Variants in SEM1 observed in about 807,000 individuals in gnomAD.
SEM1 encodes 26S proteasome complex subunit SEM1.
In SEM1, 3 loss-of-function variants were observed where a neutral mutation model predicts 12.7. That is an observed-to-expected ratio of 0.24 (90% CI 0.11 to 0.61). The LOEUF is 0.61. Among genes scored for constraint, SEM1 ranks in the 20% least tolerant of loss-of-function variants. SEM1 has a pLI of 0.88. For missense variants in SEM1, 59 were observed against 81.3 expected, an observed-to-expected ratio of 0.73 and a Z score of 1.06; for synonymous variants, 30 against 27.8, an observed-to-expected ratio of 1.08 and a Z score of -0.25.
chr7:96,674,124 CT>C (rs763128403), intron 2 of SEM1, among the ~76,000 whole-genome samples: 47 of 152,080 alleles, frequency 3.1e-4, no homozygotes, highest in Non-Finnish European at 5.9e-4. Context: ...GAGTCCTGTT[CT>C]TTCTTTAAAA....
chr7:96,561,924 AT>A (rs1009915095), intron 2 of SEM1, among the ~76,000 whole-genome samples: 8 of 152,008 alleles, frequency 5.3e-5, no homozygotes, highest in Non-Finnish European at 7.4e-5. Context: ...TATTTGTGGT[AT>A]TATTATTATT....
Position 96,651,158 on chromosome 7 carries a change from A to G in SEM1, c.171-28515T>C, listed in dbSNP as rs147968121. On this transcript the variant is annotated intron_variant, in intron 2 of 2. Coordinates refer to the SEM1 transcript ENST00000417009. The stretch of plus-strand genomic sequence containing the variant: ...CATAAATTCCCTAAACTTTGTAGGA[A>G]ATGTCACCTCTTGTGGCCAGTGGTA... Among the ~76,000 whole-genome samples the G allele has an allele frequency of 2.4e-4, 37 of 152,298 alleles. No homozygotes were observed. In the East Asian group the frequency reaches 6.9e-3, roughly 29 times the overall value.
At position 96,688,910 on chromosome 7, in the gene SEM1, A is replaced by C. The variant is rs1195386813; in HGVS notation, c.*14T>G. The C allele has an allele frequency of 1.3e-6, 2 of 1,573,156 alleles. No individual in the cohort carries two copies. ...CAGGTCAAGTTTAGGTTACTTCAAC[A>C]CTTCTTCTGGATGCTATGAAGTCTC... On this transcript the variant is annotated 3_prime_UTR_variant, in exon 3 of 3. Coordinates refer to ENST00000248566, the MANE Select transcript of SEM1 (RefSeq NM_006304.2).
intron 2 of SEM1, among the ~76,000 whole-genome samples, chr7:96,584,479 G>C (rs1806538392): frequency 6.6e-6 from 1 of 151,950 alleles, no homozygotes; most frequent in Non-Finnish European, 1.5e-5. Flanking sequence ...TATCTTTGTG[G>C]CATTCTCTCT....
chr7:96,639,609 A>T (rs1455712406), intron 2 of SEM1, among the ~76,000 whole-genome samples: 2 of 151,952 alleles, frequency 1.3e-5, no homozygotes, highest in African/African-American at 4.8e-5. Context: ...GGTAAAATGT[A>T]AAAGTATAAG....
At chr7:96,690,081 T>C (rs1469893816) in intron 2 of SEM1, among the ~76,000 whole-genome samples, 2 of 151,638 alleles carry the variant, frequency 1.3e-5, no homozygotes, top group South Asian at 2.1e-4. Context: ...AAAACTCAAA[T>C]GTTTCATACA....
At chr7:96,653,733 G>GAGATGAGAAAC (rs1809078679) in intron 2 of SEM1, 1 of 152,180 alleles carries the variant, frequency 6.6e-6, no homozygotes, top group Admixed American at 6.5e-5. Context: ...TGAGGAAACT[G>GAGATGAGAAAC]AGATGAGTTA....
chr7:96,541,014 G>T (rs1452973831), intron 2 of SEM1, among the ~76,000 whole-genome samples: 3 of 151,684 alleles, frequency 2.0e-5, no homozygotes, highest in African/African-American at 4.8e-5. Flanking sequence ...CCATATATCT[G>T]CTATTATCTG....
intron 2 of SEM1, among the ~76,000 whole-genome samples, chr7:96,531,085 A>G (rs1486172645): frequency 6.6e-6 from 1 of 152,148 alleles, no homozygotes; most frequent in Non-Finnish European, 1.5e-5. Flanking sequence ...AGTTTCTAAG[A>G]GCTAAAAGTC....
intron 2 of SEM1, among the ~76,000 whole-genome samples, chr7:96,572,426 A>G (rs1806065555): frequency 6.6e-6 from 1 of 152,182 alleles, no homozygotes; most frequent in Non-Finnish European, 1.5e-5. Context: ...ATCTAGCGCT[A>G]TAAATTTCCC....
At chr7:96,652,040 C>T (rs751491791) in intron 2 of SEM1, among the ~76,000 whole-genome samples, 6 of 152,108 alleles carry the variant, frequency 3.9e-5, no homozygotes, top group Non-Finnish European at 7.4e-5. Flanking sequence ...TCTCTTTGAA[C>T]TTTTATTTCC....
At chr7:96,578,973 A>G (rs1250871998) in intron 2 of SEM1, among the ~76,000 whole-genome samples, 1 of 152,228 alleles carries the variant, frequency 6.6e-6, no homozygotes, top group Non-Finnish European at 1.5e-5. Context: ...TTGTTGAACT[A>G]TGAATGTCAC....
intron 2 of SEM1, among the ~76,000 whole-genome samples, chr7:96,584,974 A>G (rs905751114): frequency 2.0e-5 from 3 of 151,486 alleles, no homozygotes; most frequent in African/African-American, 7.3e-5. Context: ...AGCTCGTCAA[A>G]GTCATTCTCC....
intron 2 of SEM1, among the ~76,000 whole-genome samples, chr7:96,556,050 T>G (rs560173379): frequency 8.5e-4 from 129 of 151,864 alleles, no homozygotes; most frequent in Non-Finnish European, 1.3e-3. Context: ...TTGGTAGATC[T>G]TCCTCCATCC....
intron 2 of SEM1, among the ~76,000 whole-genome samples, chr7:96,541,204 C>A (rs961859743): frequency 6.6e-6 from 1 of 151,858 alleles, no homozygotes; most frequent in African/African-American, 2.4e-5. Flanking sequence ...TATATTTCCA[C>A]CAATAGTATA....
rs1228056709 is a variant in SEM1, at chr7:96,625,903, GTA to G, written c.171-3262_171-3261del. 3.9e-5 allele frequency among the ~76,000 whole-genome samples: 6 copies of G among 152,188 alleles called. No homozygotes were observed. The East Asian group carries it at 9.6e-4, about 24-fold the overall frequency. The stretch of plus-strand genomic sequence containing the variant: ...TAATTTTTATGGGTACATAATATGT[GTA>G]TATGTTTATGGAGTACATGAGATGT... On this transcript the variant is annotated intron_variant, in intron 2 of 2. Transcript: ENST00000417009.
At chr7:96,560,690 TTC>T (rs1315490530) in intron 2 of SEM1, among the ~76,000 whole-genome samples, 2 of 151,906 alleles carry the variant, frequency 1.3e-5, no homozygotes. Flanking sequence ...TTCTAATATT[TTC>T]TGTCTCAAGT....
chr7:96,705,508 T>C (rs1790424865), intron 1 of SEM1, among the ~76,000 whole-genome samples: 1 of 152,128 alleles, frequency 6.6e-6, no homozygotes, highest in South Asian at 2.1e-4. Context: ...CTTTCAATAA[T>C]TTGATATGGA....
At chr7:96,648,157 T>A (rs1808862639) in intron 2 of SEM1, among the ~76,000 whole-genome samples, 1 of 152,214 alleles carries the variant, frequency 6.6e-6, no homozygotes, top group East Asian at 1.9e-4. Context: ...AAAATGGCAT[T>A]CACAATTTTT....
Sources: allele counts gnomAD v4.1 joint callset (sites outside exome capture counted in the v4.1 genomes callset), GRCh38; gene constraint gnomAD v4.1.1; transcripts MANE v1.5; gene names NCBI Gene and HGNC (gene_info 2026-07-23, HGNC 2026-07-21).